The following IFIT1B variants were observed in gnomAD, a reference collection of about 807,000 sequenced individuals.
IFIT1B encodes the protein interferon induced protein with tetratricopeptide repeats 1B.
IFIT1B carries 3 observed loss-of-function variants against 2.5 expected under a neutral mutation model. That is an observed-to-expected ratio of 1.21 (90% CI 0.55 to 3.14). The LOEUF (loss-of-function observed/expected upper bound fraction) is 3.14, where lower values mean the gene tolerates loss of function less well. IFIT1B is among the 30% of genes most tolerant of loss of function. The probability of loss-of-function intolerance (pLI) is 0.03; values close to 1 mark genes in which losing one functional copy is unlikely to be tolerated. For synonymous variants in IFIT1B, 196 were observed against 203.0 expected, an observed-to-expected ratio of 0.97 and a Z score of 0.29; for missense variants, 545 against 556.5, an observed-to-expected ratio of 0.98 and a Z score of 0.21.
At chr10:89,378,425 C>A (rs1450927257) in intron 1 of IFIT1B, among the ~76,000 whole-genome samples, 2 of 152,076 alleles carry the variant, frequency 1.3e-5, no homozygotes, top group African/African-American at 4.8e-5. Context: ...ACATGATAAC[C>A]CTGGGCCTAC....
intron 1 of IFIT1B, among the ~76,000 whole-genome samples, chr10:89,378,573 T>C (rs188591): frequency 0.19 from 28,420 of 152,154 alleles, 3,425 homozygotes; most frequent in East Asian, 0.55. Context: ...ATTAATTCCA[T>C]GACCTTCACC....
In IFIT1B at chr10:89,382,214, T is replaced by C. The variant is rs1374729477; in HGVS notation, c.6-1105T>C. ...ATTGTTTTTGCTATACATTGCCATA[T>C]AGAGAGTAAGAGAAAATTTCATAAT... On this transcript the variant is annotated intron_variant, in intron 1 of 1. Transcript: ENST00000371809. Among the ~76,000 whole-genome samples the C allele has an allele frequency of 2.0e-5, 3 of 152,332 alleles. No homozygotes were observed. The East Asian group carries it at 5.8e-4, about 29-fold the overall frequency.
rs528237482 is a variant in IFIT1B at position 89,379,798 on chromosome 10, G to C, written c.5+1658G>C. 2.2e-4 allele frequency among the ~76,000 whole-genome samples: 34 copies of C among 152,284 alleles called. No individual in the cohort carries two copies. The East Asian group carries it at 6.4e-3, about 29-fold the overall frequency. The stretch of plus-strand genomic sequence containing the variant: ...ACCTGTAATCCCAGCACTTTGGGAG[G>C]CCGAGATGGGCAGATCACGAGGTCA... On this transcript the variant is annotated intron_variant, in intron 1 of 1. Transcript: ENST00000371809.
At position 89,383,381 on chromosome 10, in the gene IFIT1B, G is replaced by A. The variant is rs768868127; in HGVS notation, c.68G>A (p.Trp23Ter). The change falls in exon 2 of 2, where the codon TGG becomes TAG. Residue 23 changes from tryptophan to a stop codon, truncating the protein, a stop_gained. Coordinates refer to ENST00000371809, the MANE Select transcript of IFIT1B (RefSeq NM_001010987.2). LOFTEE classifies it low-confidence loss of function (END_TRUNC). ...SLIQLRCHFT[W>*]KLLIEAPEIP... ...ATTCAGCTGAGATGTCACTTTACAT[G>A]GAAGTTGTTAATTGAAGCCCCTGAA... The A allele has an allele frequency of 6.2e-7, 1 of 1,614,208 alleles. No individual in the cohort carries two copies. Among genetic ancestry groups the A allele is most frequent in the South Asian group, 1.1e-5 (1 of 91,088 alleles).
At chr10:89,379,066 G>C (rs926483740) in intron 1 of IFIT1B, among the ~76,000 whole-genome samples, 4 of 152,314 alleles carry the variant, frequency 2.6e-5, no homozygotes, top group African/African-American at 9.6e-5. Context: ...ATTTTTATTT[G>C]ATAAATTGGT....
intron 1 of IFIT1B, among the ~76,000 whole-genome samples, chr10:89,381,127 G>T (rs562284164): frequency 6.6e-6 from 1 of 152,322 alleles, no homozygotes; most frequent in South Asian, 2.1e-4. Context: ...GCTAGCAGCT[G>T]AGATGCTGAG....
chr10:89,378,146 GTCTTT>G lies in IFIT1B; in HGVS notation c.5+7_5+11del. The G allele has an allele frequency of 1.2e-6, 2 of 1,613,984 alleles. No individual in the cohort carries two copies. Among genetic ancestry groups the G allele is most frequent in the Non-Finnish European group, 1.7e-6 (2 of 1,179,866 alleles). On this transcript the variant is annotated splice_region_variant and intron_variant, in intron 1 of 1. Transcript: ENST00000371809. ...TATCTTCATAGCACCATGAGGTAAA[GTCTTT>G]CTCTGCTTCACTGACCTTATTTCTG... is the stretch of plus-strand genomic sequence containing the variant.
intron 1 of IFIT1B, among the ~76,000 whole-genome samples, chr10:89,378,405 A>G (rs778934824): frequency 7.9e-5 from 12 of 152,144 alleles, no homozygotes; most frequent in Non-Finnish European, 5.9e-5. Context: ...GTTGGTTTAC[A>G]ACAGTGGTAA....
In IFIT1B at chr10:89,384,860, G is replaced by C; in HGVS notation, c.*122G>C. 1.1e-6 allele frequency: 1 copy of C among 870,546 alleles called. No individual in the cohort carries two copies. The highest frequency in any genetic ancestry group is 1.8e-6 in the Non-Finnish European group (1 of 569,596). 53.9% of individuals were successfully genotyped at this position (870,546 alleles called of 1,614,324 possible). ...TATTTTGAGCCTTGAGAGGAATGTG[G>C]CTGTGTGGCCTGAGTTATGTAGCAT... On this transcript the variant is annotated 3_prime_UTR_variant, in exon 2 of 2. Coordinates refer to ENST00000371809, the MANE Select transcript of IFIT1B (RefSeq NM_001010987.2).
intron 1 of IFIT1B, among the ~76,000 whole-genome samples, chr10:89,381,163 G>A (rs569325054): frequency 9.8e-5 from 15 of 152,308 alleles, no homozygotes; most frequent in South Asian, 6.2e-4. Context: ...AGAAAGCTTG[G>A]AATGGCTTAT....
At position 89,384,126 on chromosome 10, in the gene IFIT1B, T is replaced by G; in HGVS notation, c.813T>G (p.Leu271=). ...GAAAAGGGTCTGTGGATAAAGCTCT[T>G]GAGCTCTTAAAAATGGCCTTGGAGA... ...YRRKGSVDKA[L]ELLKMALETT... is the part of the protein sequence containing the mutation. Residue 271 remains leucine, a synonymous_variant, in exon 2 of 2, where the codon CTT becomes CTG. Coordinates refer to ENST00000371809, the MANE Select transcript of IFIT1B (RefSeq NM_001010987.2). 1 of 1,614,188 alleles carries G rather than the reference T, an allele frequency of 6.2e-7. No homozygotes were observed. Among genetic ancestry groups the G allele is most frequent in the Non-Finnish European group, 8.5e-7 (1 of 1,180,042 alleles).
Position 89,383,863 on chromosome 10 carries a change from A to C in IFIT1B, c.550A>C (p.Thr184Pro), listed in dbSNP as rs1844182449. 1 of 1,614,188 alleles carries C rather than the reference A, an allele frequency of 6.2e-7. No homozygotes were observed. Among genetic ancestry groups the C allele is most frequent in the African/African-American group, 1.3e-5 (1 of 75,042 alleles). ...NPEFNTGYAI[T>P]VYRLDKFNTA... ...TGAATTCAATACTGGGTACGCAATC[A>C]CCGTCTATCGCCTGGATAAATTTAA... Residue 184 changes from threonine to proline, a missense_variant, in exon 2 of 2, where the codon ACC (threonine) becomes CCC (proline). Transcript: ENST00000371809.
At position 89,383,963 on chromosome 10, in the gene IFIT1B, T is replaced by C. The variant is rs769862207; in HGVS notation, c.650T>C (p.Val217Ala). The C allele has an allele frequency of 1.9e-6, 3 of 1,614,152 alleles. No homozygotes were observed. Among genetic ancestry groups the C allele is most frequent in the Non-Finnish European group, 2.5e-6 (3 of 1,180,024 alleles). Reference protein sequence around the residue: ...KRAVRLNPDDVYIRVLLALKL... With the variant: ...KRAVRLNPDDAYIRVLLALKL... ...GCTGTCAGGCTAAATCCAGATGATG[T>C]ATATATTAGGGTTCTCCTTGCCCTG... Residue 217 changes from valine (V) to alanine (A), a missense_variant, in exon 2 of 2, where the codon GTA (valine) becomes GCA (alanine). Val to Ala is a moderately conservative substitution (Grantham distance 64). Transcript: ENST00000371809.
rs1844185787 is a variant in IFIT1B at position 89,384,187 on chromosome 10, G to A, written c.874G>A (p.Gly292Arg). ...PTSAFLHHQM[G>R]LCYRAQMIQI... ...TTCTGCCTTCCTGCATCACCAAATGGGGCTTTGCTACAGGGCACAAATGAT... is the reference window on the plus strand; with the variant it reads ...TTCTGCCTTCCTGCATCACCAAATGAGGCTTTGCTACAGGGCACAAATGAT... Residue 292 changes from glycine to arginine, a missense_variant, in exon 2 of 2, where the codon GGG (glycine) becomes AGG (arginine). Transcript: ENST00000371809. The A allele has an allele frequency of 6.2e-7, 1 of 1,614,100 alleles. No homozygotes were observed. Among genetic ancestry groups the A allele is most frequent in the East Asian group, 2.2e-5 (1 of 44,892 alleles).
chr10:89,382,468 T>C (rs1185137386), intron 1 of IFIT1B, among the ~76,000 whole-genome samples: 1 of 152,188 alleles, frequency 6.6e-6, no homozygotes, highest in Non-Finnish European at 1.5e-5. Flanking sequence ...AAAAAACCCT[T>C]CTGGTCCCAC....
intron 1 of IFIT1B, among the ~76,000 whole-genome samples, chr10:89,379,186 G>A (rs1388104984): frequency 6.6e-6 from 1 of 152,162 alleles, no homozygotes; most frequent in East Asian, 1.9e-4. Flanking sequence ...CTATGAAATT[G>A]TGATTACTAT....
Position 89,384,529 on chromosome 10 carries a change from T to C in IFIT1B, c.1216T>C (p.Leu406=), listed in dbSNP as rs1285086298. The C allele has an allele frequency of 3.7e-6, 6 of 1,613,944 alleles. No homozygotes were observed. The African/African-American group carries it at 5.3e-5, about 14-fold the overall frequency. ...DKAITHYLKG[L]KIEKMSHSRE... ...AGCAATTACCCATTATTTAAAAGGT[T>C]TGAAAATAGAAAAAATGTCCCATTC... The change falls in exon 2 of 2, where the codon TTG becomes CTG. Residue 406 remains leucine (L), a synonymous_variant. Transcript: ENST00000371809.
At chr10:89,382,143 A>G (rs555417486) in intron 1 of IFIT1B, among the ~76,000 whole-genome samples, 80 of 152,106 alleles carry the variant, frequency 5.3e-4, no homozygotes, top group Non-Finnish European at 8.7e-4. Flanking sequence ...GATTATGGTT[A>G]TATTATATTA....
chr10:89,383,185 A>G (rs1844176087), intron 1 of IFIT1B, 134 bp from the exon 2 acceptor site: 1 of 752,572 alleles, frequency 1.3e-6, no homozygotes, highest in Admixed American at 2.9e-5. Flanking sequence ...ATGACTGTAG[A>G]ACCCAGAGGG....
Sources: gnomAD v4.1 joint callset for allele counts (sites outside exome capture counted in the v4.1 genomes callset) on GRCh38, gnomAD v4.1.1 for gene constraint, MANE v1.5 for transcripts, NCBI Gene and HGNC (gene_info 2026-07-23, HGNC 2026-07-21) for gene names.